The following STK3 variants were observed in gnomAD, a reference collection of about 807,000 sequenced individuals.
STK3 encodes serine/threonine kinase 3.
In STK3, 41 loss-of-function variants were observed where a neutral mutation model predicts 58.0. The ratio of observed to expected loss-of-function variants is 0.71; its 90% CI spans 0.55 to 0.92. The LOEUF (loss-of-function observed/expected upper bound fraction) is 0.92, where lower values mean the gene tolerates loss of function less well. STK3 is among the 40% of genes least tolerant of loss of function. STK3 has a pLI of 0.00. For synonymous variants in STK3, 170 were observed against 191.0 expected, an observed-to-expected ratio of 0.89 and a Z score of 0.91; for missense variants, 479 against 602.7, an observed-to-expected ratio of 0.79 and a Z score of 2.15.
the STK3 span, among the ~76,000 whole-genome samples, chr8:98,353,449 C>T: frequency 6.6e-6 from 1 of 152,302 alleles, no homozygotes; most frequent in East Asian, 1.9e-4. Flanking sequence ...TGTCATTGCA[C>T]CACTGCACTC....
chr8:98,927,494 T>A (rs72668456), intron 1 of STK3, among the ~76,000 whole-genome samples: 1 of 152,184 alleles, frequency 6.6e-6, no homozygotes, highest in Non-Finnish European at 1.5e-5. Flanking sequence ...CTACTACTAG[T>A]GTTTATTGAG....
At position 98,549,552 on chromosome 8, in the gene STK3, C is replaced by T. The variant is rs558639743; in HGVS notation, c.949-1391G>A. Among the ~76,000 whole-genome samples, 7 of 152,188 alleles carry T rather than the reference C, an allele frequency of 4.6e-5. No homozygotes were observed. The South Asian group carries it at 1.0e-3, about 23-fold the overall frequency. On this transcript the variant is annotated intron_variant, in intron 8 of 10. Coordinates refer to ENST00000419617, the MANE Select transcript of STK3 (RefSeq NM_006281.4). ...TGTGTGCTTTTTACTTCATTTATAG[C>T]GTCTTTTGATGTAAGTTTTTAATTT... is the stretch of plus-strand genomic sequence containing the variant.
chr8:98,911,902 C>A (rs1467947091), intron 1 of STK3, among the ~76,000 whole-genome samples: 1 of 152,098 alleles, frequency 6.6e-6, no homozygotes, highest in East Asian at 1.9e-4. Flanking sequence ...GTGCTTTCCA[C>A]CCTTGAAATA....
At chr8:98,759,580 A>G (rs1169142944) in intron 3 of STK3, among the ~76,000 whole-genome samples, 1 of 152,128 alleles carries the variant, frequency 6.6e-6, no homozygotes, top group African/African-American at 2.4e-5. Context: ...AGCACAAACT[A>G]TTGGAAAAAT....
At chr8:98,567,665 T>G in intron 8 of STK3, among the ~76,000 whole-genome samples, 1 of 152,172 alleles carries the variant, frequency 6.6e-6, no homozygotes, top group South Asian at 2.1e-4. Flanking sequence ...CTTTGAATTG[T>G]TCTAATTTAT....
chr8:98,764,064 A>G (rs1447803011), intron 3 of STK3, among the ~76,000 whole-genome samples: 1 of 152,246 alleles, frequency 6.6e-6, no homozygotes, highest in Non-Finnish European at 1.5e-5. Context: ...CATACTTACA[A>G]TATGAATTTG....
intron 1 of STK3, among the ~76,000 whole-genome samples, chr8:98,941,449 G>T (rs1443706463): frequency 1.3e-5 from 2 of 152,246 alleles, no homozygotes; most frequent in African/African-American, 4.8e-5. Context: ...GCAGTGGAAG[G>T]CTGAGGAGAA....
In STK3 at chr8:98,640,463, A is replaced by C. The variant is rs187714835; in HGVS notation, c.685-44294T>G. Among the ~76,000 whole-genome samples, 378 of 152,344 alleles carry C rather than the reference A, an allele frequency of 2.5e-3. 1 individual carries two copies. Among genetic ancestry groups the C allele is most frequent in the Non-Finnish European group, 4.6e-3 (313 of 68,034 alleles). On this transcript the variant is annotated intron_variant, in intron 6 of 10. Coordinates refer to ENST00000419617, the MANE Select transcript of STK3 (RefSeq NM_006281.4). ...TAGTGGAAAAATGTGATATAAAAAA[A>C]CATAAAAGTTAATGATATACTAGTG...
intron 1 of STK3, among the ~76,000 whole-genome samples, chr8:98,792,445 C>A (rs908926326): frequency 6.6e-6 from 1 of 152,158 alleles, no homozygotes; most frequent in African/African-American, 2.4e-5. Flanking sequence ...GCCTGTGATC[C>A]CGACACTTTG....
At chr8:98,668,737 T>C (rs1473177989) in intron 6 of STK3, among the ~76,000 whole-genome samples, 1 of 152,082 alleles carries the variant, frequency 6.6e-6, no homozygotes, top group Non-Finnish European at 1.5e-5. Flanking sequence ...ATTATAAAAT[T>C]ACTATACTCA....
intron 1 of STK3, among the ~76,000 whole-genome samples, chr8:98,802,271 G>A (rs1833604853): frequency 6.6e-6 from 1 of 152,114 alleles, no homozygotes; most frequent in Admixed American, 6.5e-5. Context: ...ATTCTGTATA[G>A]AATAGTCTCC....
At chr8:98,699,965 G>A (rs1003298494) in intron 6 of STK3, among the ~76,000 whole-genome samples, 8 of 152,254 alleles carry the variant, frequency 5.3e-5, no homozygotes, top group Non-Finnish European at 1.0e-4. Flanking sequence ...CCTGCCTCCA[G>A]AGGTGAAGCC....
chr8:98,885,502 C>T (rs1341381466), intron 1 of STK3, among the ~76,000 whole-genome samples: 1 of 152,138 alleles, frequency 6.6e-6, no homozygotes, highest in East Asian at 1.9e-4. Flanking sequence ...TGCAATGGCG[C>T]GATCTCGGCT....
At chr8:98,934,761 CA>C (rs1840135382) in intron 1 of STK3, among the ~76,000 whole-genome samples, 2 of 151,850 alleles carry the variant, frequency 1.3e-5, no homozygotes, top group South Asian at 4.2e-4. Context: ...ACTAAAAATA[CA>C]AAAATCAGCC....
intron 7 of STK3, among the ~76,000 whole-genome samples, chr8:98,588,593 G>T (rs932519900): frequency 6.6e-6 from 1 of 152,006 alleles, no homozygotes; most frequent in Non-Finnish European, 1.5e-5. Context: ...TTGCTTTCTC[G>T]AGGAGTATCT....
chr8:98,749,789 T>C (rs1341479811), intron 3 of STK3, among the ~76,000 whole-genome samples: 3 of 152,112 alleles, frequency 2.0e-5, no homozygotes, highest in Non-Finnish European at 2.9e-5. Flanking sequence ...TATATTTCCA[T>C]GAGGCCAAAA....
intron 3 of STK3, among the ~76,000 whole-genome samples, chr8:98,424,338 C>T (rs140768320): frequency 5.9e-5 from 9 of 152,340 alleles, no homozygotes; most frequent in African/African-American, 1.7e-4. Flanking sequence ...TATCAAAGGG[C>T]AGGCTTAGAC....
intron 3 of STK3, among the ~76,000 whole-genome samples, chr8:98,412,194 G>C (rs1350396563): frequency 6.6e-6 from 1 of 152,178 alleles, no homozygotes. Context: ...GCCAGTAACA[G>C]ATTCCTACTT....
At chr8:98,900,164 C>T (rs182021545) in intron 1 of STK3, among the ~76,000 whole-genome samples, 2 of 152,132 alleles carry the variant, frequency 1.3e-5, no homozygotes, top group Non-Finnish European at 2.9e-5. Context: ...GCACCCTCCA[C>T]CTCCCAAGTT....
Sources: allele counts gnomAD v4.1 joint callset (sites outside exome capture counted in the v4.1 genomes callset), GRCh38; gene constraint gnomAD v4.1.1; transcripts MANE v1.5; gene names NCBI Gene and HGNC (gene_info 2026-07-23, HGNC 2026-07-21).